Variants in PARK7 observed in about 807,000 individuals in gnomAD.
The protein encoded by PARK7 is Parkinson disease protein 7.
Under a neutral mutation model 20.5 loss-of-function variants are expected in PARK7, and 14 were observed. That is an observed-to-expected ratio of 0.68 (90% CI 0.45 to 1.07). The LOEUF (loss-of-function observed/expected upper bound fraction) is 1.07. Among genes scored for constraint, PARK7 ranks in the 50% least tolerant of loss-of-function variants. The pLI is 0.00. For synonymous variants in PARK7, 98 were observed against 84.3 expected (o/e 1.16, Z -0.89); for missense variants, 234 against 238.1 (o/e 0.98, Z 0.11).
At chr1:7,979,434 G>C (rs1197485010) in intron 6 of PARK7, among the ~76,000 whole-genome samples, 1 of 152,096 alleles carries the variant, frequency 6.6e-6, no homozygotes, top group Non-Finnish European at 1.5e-5. Context: ...CTCTCTTGCT[G>C]TTGTACATTC....
At chr1:7,962,460 A>T (rs1557440750) in intron 1 of PARK7, among the ~76,000 whole-genome samples, 1 of 152,220 alleles carries the variant, frequency 6.6e-6, no homozygotes, top group Admixed American at 6.5e-5. Context: ...TTGTATTTTT[A>T]AAAAACCCAT....
At chr1:7,976,536 CTT>C (rs375902790) in intron 5 of PARK7, among the ~76,000 whole-genome samples, 10 of 152,152 alleles carry the variant, frequency 6.6e-5, no homozygotes, top group African/African-American at 2.2e-4. Context: ...TCAACTGACA[CTT>C]CCATGTGGTT....
Position 7,962,861 on chromosome 1 carries a change from A to T in PARK7, c.76A>T (p.Met26Leu), listed in dbSNP as rs1417802320. 2 of 1,613,364 alleles carry T rather than the reference A, an allele frequency of 1.2e-6. No individual in the cohort carries two copies. The highest frequency in any genetic ancestry group is 1.7e-6 in the Non-Finnish European group (2 of 1,179,764). Residue 26 changes from methionine (M) to leucine (L), a missense_variant, in exon 2 of 7, where the codon ATG becomes TTG. By Grantham distance (15) the Met-to-Leu change is conservative. Transcript: ENST00000338639. Reference sequence around the variant, plus strand: ...GGAGACGGTCATCCCTGTAGATGTCATGAGGCGAGCTGGGGTAAGTCCCAC... The same window carrying T: ...GGAGACGGTCATCCCTGTAGATGTCTTGAGGCGAGCTGGGGTAAGTCCCAC... The part of the protein sequence containing the change: ...EMETVIPVDV[M>L]RRAGIKVTVA...
chr1:7,972,135 T>G (rs1322384294), intron 5 of PARK7, among the ~76,000 whole-genome samples: 2 of 152,092 alleles, frequency 1.3e-5, no homozygotes, highest in Non-Finnish European at 2.9e-5. Context: ...TGGTTCTCAA[T>G]GTTCTTTTGG....
intron 3 of PARK7, among the ~76,000 whole-genome samples, chr1:7,967,425 C>T (rs540349363): frequency 1.3e-5 from 2 of 152,312 alleles, no homozygotes; most frequent in South Asian, 4.1e-4. Context: ...CCATTGGATA[C>T]ATGCCAAGTA....
intron 5 of PARK7, among the ~76,000 whole-genome samples, chr1:7,976,955 C>T (rs1306199590): frequency 6.6e-6 from 1 of 152,166 alleles, no homozygotes; most frequent in Non-Finnish European, 1.5e-5. Flanking sequence ...CTCCTGACCT[C>T]ATGATCCAGC....
intron 6 of PARK7, among the ~76,000 whole-genome samples, chr1:7,983,274 T>G (rs1640748854): frequency 6.6e-6 from 1 of 152,218 alleles, no homozygotes; most frequent in Non-Finnish European, 1.5e-5. Flanking sequence ...GCCACCCGCC[T>G]GCCTGCGTGG....
chr1:7,976,878 G>A (rs1451216362), intron 5 of PARK7, among the ~76,000 whole-genome samples: 1 of 151,924 alleles, frequency 6.6e-6, no homozygotes, highest in Non-Finnish European at 1.5e-5. Flanking sequence ...CCGCCACCAC[G>A]CACAGCTAAT....
At chr1:7,965,763 A>G (rs372156038) in intron 3 of PARK7, among the ~76,000 whole-genome samples, 4 of 152,094 alleles carry the variant, frequency 2.6e-5, no homozygotes, top group Non-Finnish European at 4.4e-5. Flanking sequence ...CTCCTATTAC[A>G]CATTTTTACC....
rs116368259 is a variant in PARK7 at position 7,984,349 on chromosome 1, C to T, written c.410-545C>T. On this transcript the variant is annotated intron_variant, in intron 6 of 6. Transcript: ENST00000338639. The surrounding 1 kb of genome is among the most constrained non-coding windows in gnomAD (Gnocchi z 4.3). ...TATTTGCCAAGAAATAGCCAACCGG[C>T]GGGCCTGGAGGTGCGGGGATGCGGA... 3.7e-4 allele frequency among the ~76,000 whole-genome samples: 57 copies of T among 152,216 alleles called. No homozygotes were observed. Among genetic ancestry groups the T allele is most frequent in the African/African-American group, 1.2e-3 (49 of 41,526 alleles).
chr1:7,977,209 G>A (rs1030295887), intron 5 of PARK7, among the ~76,000 whole-genome samples: 3 of 152,154 alleles, frequency 2.0e-5, no homozygotes, highest in African/African-American at 7.2e-5. Flanking sequence ...CCTGTTCTGG[G>A]GATGGGGAAG....
At chr1:7,972,748 A>T (rs544996509) in intron 5 of PARK7, among the ~76,000 whole-genome samples, 60 of 152,204 alleles carry the variant, frequency 3.9e-4, no homozygotes, top group African/African-American at 1.4e-3. Context: ...TACTAAAAAT[A>T]CAAAAGTTAG....
chr1:7,983,437 C>A (rs776071104), intron 6 of PARK7, among the ~76,000 whole-genome samples: 7 of 152,252 alleles, frequency 4.6e-5, no homozygotes, highest in Admixed American at 2.6e-4. Flanking sequence ...AGCCTCCTCA[C>A]CTAGGCCTTC....
intron 5 of PARK7, 179 bp downstream of exon 5, chr1:7,971,142 G>A: frequency 1.4e-6 from 1 of 705,030 alleles, no homozygotes; most frequent in South Asian, 1.5e-5. Flanking sequence ...CAATTGTTCT[G>A]TTTTCTGCCT....
At chr1:7,982,510 CT>C (rs956536216) in intron 6 of PARK7, among the ~76,000 whole-genome samples, 4 of 152,092 alleles carry the variant, frequency 2.6e-5, no homozygotes, top group Non-Finnish European at 5.9e-5. Flanking sequence ...AACCTTAAAC[CT>C]TTTGCTTCTC....
rs76252376 is a variant in PARK7 at position 7,965,756 on chromosome 1, C to T, written c.192+331C>T. On this transcript the variant is annotated intron_variant, in intron 3 of 6. Coordinates refer to ENST00000338639, the MANE Select transcript of PARK7 (RefSeq NM_007262.5). ...TGGCTTACACAGGCATCCTTGCCTC[C>T]TATTACACATTTTTACCTGACATAA... Among the ~76,000 whole-genome samples the T allele has an allele frequency of 0.02, 3,029 of 152,180 alleles. 102 individuals are homozygous for T. Among genetic ancestry groups the T allele is most frequent in the African/African-American group, 0.069 (2,865 of 41,490 alleles).
chr1:7,977,593 A>AT, intron 5 of PARK7, 59 bp from the exon 6 acceptor site: 3 of 1,511,782 alleles, frequency 2.0e-6, no homozygotes, highest in Admixed American at 1.7e-5. Context: ...CACTATTGCG[A>AT]TTTTTTAAAC....
intron 3 of PARK7, among the ~76,000 whole-genome samples, chr1:7,965,755 C>T (rs977203423): frequency 2.0e-5 from 3 of 152,114 alleles, no homozygotes; most frequent in Non-Finnish European, 4.4e-5. Context: ...ATCCTTGCCT[C>T]CTATTACACA....
chr1:7,973,317 GAA>G (rs1172188464), intron 5 of PARK7, among the ~76,000 whole-genome samples: 1 of 152,234 alleles, frequency 6.6e-6, no homozygotes, highest in African/African-American at 2.4e-5. Context: ...TCTTTGGAGA[GAA>G]AGTCACAGAT....
Sources: gnomAD v4.1 joint callset for allele counts (sites outside exome capture counted in the v4.1 genomes callset) on GRCh38, gnomAD v4.1.1 for gene constraint, Gnocchi (gnomAD v3.1) non-coding constraint, MANE v1.5 for transcripts, NCBI Gene and HGNC (gene_info 2026-07-23, HGNC 2026-07-21) for gene names.